NUP98: variants seen among roughly 807,000 people sequenced by gnomAD.
NUP98 encodes nucleoporin 98 and 96 precursor.
In NUP98, 26 loss-of-function variants were observed where a neutral mutation model predicts 191.9. That is an observed-to-expected ratio of 0.14 (90% CI 0.10 to 0.19). The LOEUF is 0.19. NUP98 is among the 10% of genes least tolerant of loss of function. NUP98 has a pLI of 1.00. For synonymous variants in NUP98, 808 were observed against 778.4 expected (o/e 1.04, Z -0.63); for missense variants, 1,941 against 2,178.8 (o/e 0.89, Z 2.17).
intron 27 of NUP98, 25 bp downstream of exon 27, chr11:3,693,207 G>C: frequency 6.2e-7 from 1 of 1,609,446 alleles, no homozygotes; most frequent in Non-Finnish European, 8.5e-7. Flanking sequence ...CAAGATTTTT[G>C]CTTGGCTCTA....
intron 1 of NUP98, among the ~76,000 whole-genome samples, chr11:3,782,871 C>T (rs1399674448): frequency 2.0e-5 from 3 of 152,086 alleles, no homozygotes; most frequent in African/African-American, 7.2e-5. Flanking sequence ...GCTTTATTTT[C>T]CATAGTTTGC....
intron 30 of NUP98, among the ~76,000 whole-genome samples, chr11:3,680,356 C>T (rs760573572): frequency 2.0e-5 from 3 of 152,184 alleles, no homozygotes; most frequent in Admixed American, 6.5e-5. Flanking sequence ...TGAGTGACAC[C>T]AGTTCAGTCA....
intron 22 of NUP98, among the ~76,000 whole-genome samples, chr11:3,704,204 G>A (rs2078792605): frequency 6.6e-6 from 1 of 152,114 alleles, no homozygotes; most frequent in Admixed American, 6.6e-5. Context: ...AAGCAAAGTT[G>A]ATAATAAGGG....
intron 1 of NUP98, among the ~76,000 whole-genome samples, chr11:3,782,676 G>T (rs2082011074): frequency 6.8e-6 from 1 of 148,130 alleles, no homozygotes; most frequent in African/African-American, 2.5e-5. Context: ...CAAAGTACCT[G>T]GGATTACAAG....
rs148647560 is a variant in NUP98 at position 3,779,273 on chromosome 11, C to G, written c.77-16G>C. ...AAGCCAGTATCTGAAAAAGCAAAATCCAGAGTAAATTAGAATTTAGAATAA... is the reference window on the plus strand; with the variant it reads ...AAGCCAGTATCTGAAAAAGCAAAATGCAGAGTAAATTAGAATTTAGAATAA... On this transcript the variant is annotated splice_polypyrimidine_tract_variant and intron_variant, in intron 2 of 32. Transcript: ENST00000324932. 170 of 1,566,510 alleles carry G rather than the reference C, an allele frequency of 1.1e-4. 3 individuals are homozygous for G. The African/African-American group carries it at 2.0e-3, about 18-fold the overall frequency.
intron 23 of NUP98, 78 bp downstream of exon 23, chr11:3,702,385 C>T: frequency 1.0e-6 from 1 of 984,696 alleles, no homozygotes; most frequent in South Asian, 1.5e-5. Flanking sequence ...GATGACAAAG[C>T]AGGGCCCTAT....
Position 3,771,802 on chromosome 11 carries a change from A to G in NUP98, c.730T>C (p.Ser244Pro). 1 of 1,614,232 alleles carries G rather than the reference A, an allele frequency of 6.2e-7. No homozygotes were observed. Among genetic ancestry groups the G allele is most frequent in the Non-Finnish European group, 8.5e-7 (1 of 1,180,036 alleles). Residue 244 changes from serine to proline, a missense_variant, in exon 7 of 33, where the codon TCC (serine) becomes CCC (proline). By Grantham distance (74) the Ser-to-Pro change is moderately conservative. This residue lies in a region of NUP98 where 181 missense variants were observed against 228.0 expected (regional missense o/e 0.79). Transcript: ENST00000324932. ...TSSATGLFSSSTTNSGFAYGQ... is the reference protein window; with the variant it reads ...TSSATGLFSSPTTNSGFAYGQ... Reference sequence around the variant, plus strand: ...TATGCAAAGCCTGAATTAGTGGTGGAGGAGCTGAAGAGTCCTGTTGCGCTG... The same window carrying G: ...TATGCAAAGCCTGAATTAGTGGTGGGGGAGCTGAAGAGTCCTGTTGCGCTG...
intron 6 of NUP98, among the ~76,000 whole-genome samples, chr11:3,772,475 A>C (rs1037259735): frequency 1.3e-5 from 2 of 152,196 alleles, no homozygotes; most frequent in African/African-American, 4.8e-5. Flanking sequence ...AACTAACTTC[A>C]TGCAACAACA....
rs116095764 is a variant in NUP98 at position 3,730,509 on chromosome 11, C to T, written c.1730+882G>A. ...GCAGCTGGGATTACAGAATTACAGA[C>T]GCACGCAGCCATGCCCAGCTAATTT... On this transcript the variant is annotated intron_variant, in intron 14 of 32. Transcript: ENST00000324932. Among the ~76,000 whole-genome samples, 618 of 151,914 alleles carry T rather than the reference C, an allele frequency of 4.1e-3. 2 individuals are homozygous for T. The highest frequency in any genetic ancestry group is 0.014 in the African/African-American group (580 of 41,470).
rs71041370 is a variant in NUP98 at position 3,684,766 on chromosome 11, C to CAAAA, written c.4676+1203_4676+1206dup. Among the ~76,000 whole-genome samples, 832 of 101,748 alleles carry CAAAA rather than the reference C, an allele frequency of 8.2e-3. 44 individuals carry two copies. Among genetic ancestry groups the CAAAA allele is most frequent in the African/African-American group, 0.017 (431 of 25,884 alleles). The allele number at this position is 101,748 out of a possible 152,430, so 66.8% of individuals were successfully genotyped here. A position where few individuals can be genotyped will look rare whatever the true frequency, so the allele number is the denominator to read the frequency against. ...AAACTAATGTTATGCTTTCACAGGC[C>CAAAA]AAAAAAAAAAAAAAAAAAAAAAAAA... On this transcript the variant is annotated intron_variant, in intron 29 of 32. Coordinates refer to ENST00000324932, the MANE Select transcript of NUP98 (RefSeq NM_016320.5).
At chr11:3,754,891 G>A (rs186694766) in intron 10 of NUP98, among the ~76,000 whole-genome samples, 12 of 135,674 alleles carry the variant, frequency 8.8e-5, no homozygotes, top group Admixed American at 6.7e-4. Flanking sequence ...GCAGTAAGTC[G>A]AGATCGCACC....
At chr11:3,677,999 G>A (rs1269751798) in intron 31 of NUP98, among the ~76,000 whole-genome samples, 2 of 147,902 alleles carry the variant, frequency 1.4e-5, no homozygotes, top group Non-Finnish European at 3.0e-5. Context: ...CACACACAAA[G>A]CTGGGTGTGG....
At chr11:3,678,983 G>A (rs2077903907) in intron 31 of NUP98, among the ~76,000 whole-genome samples, 1 of 152,000 alleles carries the variant, frequency 6.6e-6, no homozygotes, top group Admixed American at 6.6e-5. Context: ...TTAGCTGCGT[G>A]TGGTGGCACA....
chr11:3,723,241 T>G lies in NUP98; in HGVS notation c.2062A>C (p.Ser688Arg). Residue 688 changes from serine (S) to arginine (R), a missense_variant, in exon 16 of 33, where the codon AGT becomes CGT. Coordinates refer to ENST00000324932, the MANE Select transcript of NUP98 (RefSeq NM_016320.5). ...TCATCATGAAAAGACGTTTCTTCAC[T>G]GCTTCCTTCCAGCCCATTTCGCAAA... ...AALRNGLEGS[S>R]EETSFHDESL... is the part of the protein sequence containing the mutation. The G allele has an allele frequency of 6.2e-7, 1 of 1,614,172 alleles. No individual in the cohort carries two copies. Among genetic ancestry groups the G allele is most frequent in the Non-Finnish European group, 8.5e-7 (1 of 1,180,014 alleles).
At chr11:3,683,805 C>T (rs7110600) in intron 29 of NUP98, among the ~76,000 whole-genome samples, 125,003 of 151,954 alleles carry the variant, frequency 0.82, 51,605 homozygotes, top group Middle Eastern at 0.92. Context: ...CCCAAAGTGC[C>T]AGGATTACAG....
At chr11:3,785,042 A>G (rs562426617) in intron 1 of NUP98, among the ~76,000 whole-genome samples, 22 of 151,734 alleles carry the variant, frequency 1.4e-4, no homozygotes, top group Middle Eastern at 3.4e-3. Context: ...GGAGGCTGAG[A>G]CAGGAGAATT....
At chr11:3,686,330 C>T (rs2078131425) in intron 28 of NUP98, 136 bp from the exon 29 acceptor site, 1 of 711,628 alleles carries the variant, frequency 1.4e-6, no homozygotes, top group Admixed American at 2.6e-5. Flanking sequence ...TCCCTCTGAG[C>T]CTATGTTTTA....
At chr11:3,727,451 G>C (rs1036899562) in intron 14 of NUP98, among the ~76,000 whole-genome samples, 2 of 152,128 alleles carry the variant, frequency 1.3e-5, no homozygotes, top group Admixed American at 6.5e-5. Context: ...ATGTGGAAAG[G>C]ACTTATGAGC....
chr11:3,680,549 T>C (rs1204611449), intron 30 of NUP98, among the ~76,000 whole-genome samples: 1 of 152,230 alleles, frequency 6.6e-6, no homozygotes, highest in African/African-American at 2.4e-5. Flanking sequence ...AAATGTTTTT[T>C]GTGTATTTTT....
Sources: allele counts gnomAD v4.1 joint callset (sites outside exome capture counted in the v4.1 genomes callset), GRCh38; gene constraint gnomAD v4.1.1; regional missense constraint gnomAD v4.1.1; transcripts MANE v1.5; gene names NCBI Gene and HGNC (gene_info 2026-07-23, HGNC 2026-07-21).